RANBP17: variants seen among roughly 807,000 people sequenced by gnomAD.
The protein encoded by RANBP17 is RAN binding protein 17, also known as ran-binding protein 17.
RANBP17 carries 158 observed loss-of-function variants against 141.2 expected under a neutral mutation model. That is an observed-to-expected ratio of 1.12 (90% CI 0.98 to 1.28). The LOEUF is 1.28. Among genes scored for constraint, RANBP17 ranks in the 50% most tolerant of loss-of-function variants. The pLI is 0.00. For synonymous variants in RANBP17, 430 were observed against 450.0 expected, an observed-to-expected ratio of 0.96 and a Z score of 0.56; for missense variants, 1,438 against 1,290.7, an observed-to-expected ratio of 1.11 and a Z score of -1.75.
chr5:171,097,808 C>A (rs1417415760), intron 14 of RANBP17, among the ~76,000 whole-genome samples: 2 of 151,716 alleles, frequency 1.3e-5, no homozygotes, highest in African/African-American at 2.4e-5. Context: ...CCCAACAGGC[C>A]CCAGTGTGTG....
intron 13 of RANBP17, among the ~76,000 whole-genome samples, chr5:170,961,485 G>T (rs1776146353): frequency 6.6e-6 from 1 of 152,080 alleles, no homozygotes; most frequent in Non-Finnish European, 1.5e-5. Context: ...AATTGAAACT[G>T]GGAATGGATA....
chr5:171,090,262 G>A (rs901444348), intron 14 of RANBP17, among the ~76,000 whole-genome samples: 2 of 152,174 alleles, frequency 1.3e-5, no homozygotes, highest in African/African-American at 4.8e-5. Context: ...AACTTGTTGG[G>A]AACTGGAGCA....
intron 14 of RANBP17, among the ~76,000 whole-genome samples, chr5:171,027,584 GGATCATAT>G: frequency 6.6e-6 from 1 of 151,868 alleles, no homozygotes; most frequent in East Asian, 1.9e-4. Flanking sequence ...AGCCCCAGTA[GGATCATAT>G]TATAATTAAT....
intron 14 of RANBP17, among the ~76,000 whole-genome samples, chr5:171,144,945 G>A (rs1757939104): frequency 6.6e-6 from 1 of 152,202 alleles, no homozygotes; most frequent in Admixed American, 6.5e-5. Flanking sequence ...CAGGCATAAA[G>A]ATATATGGAG....
chr5:170,916,630 T>C, intron 9 of RANBP17, 46 bp downstream of exon 9: 1 of 1,311,912 alleles, frequency 7.6e-7, no homozygotes. Context: ...GATACAGTTT[T>C]TCAGCTAAAG....
chr5:170,904,062 CT>C, intron 5 of RANBP17: 2 of 457,346 alleles, frequency 4.4e-6, no homozygotes. Flanking sequence ...TAAACATAGT[CT>C]TTACCTCACC....
chr5:171,038,683 T>C (rs1293942135), intron 14 of RANBP17, among the ~76,000 whole-genome samples: 1 of 152,192 alleles, frequency 6.6e-6, no homozygotes, highest in Non-Finnish European at 1.5e-5. Context: ...TTGAAAGTTT[T>C]TTCCACATCT....
At chr5:170,963,891 A>G (rs1468520685) in intron 13 of RANBP17, among the ~76,000 whole-genome samples, 3 of 152,252 alleles carry the variant, frequency 2.0e-5, no homozygotes, top group Admixed American at 6.5e-5. Context: ...CCTCTGATAT[A>G]TAAATAATTT....
At chr5:171,054,184 G>A (rs1247894606) in intron 14 of RANBP17, among the ~76,000 whole-genome samples, 1 of 151,828 alleles carries the variant, frequency 6.6e-6, no homozygotes, top group Admixed American at 6.6e-5. Flanking sequence ...GACTGGTGTG[G>A]TTTGGTTTTG....
chr5:171,293,892 G>A lies in RANBP17; in HGVS notation c.2953G>A (p.Val985Ile). 3 of 1,612,640 alleles carry A rather than the reference G, an allele frequency of 1.9e-6. No homozygotes were observed. Among genetic ancestry groups the A allele is most frequent in the Non-Finnish European group, 2.5e-6 (3 of 1,178,700 alleles). The stretch of plus-strand genomic sequence containing the variant: ...TGATTCTATCTTCTAGATGATGTCT[G>A]TCCTCATGAACACCATTGTCTTTGA... ...NPDVLQQMMS[V>I]LMNTIVFEDC... The change falls in exon 26 of 28, where the codon GTC becomes ATC. Residue 985 changes from valine to isoleucine, a missense_variant. By Grantham distance (29) the Val-to-Ile change is conservative. Transcript: ENST00000523189.
At chr5:170,990,916 G>A (rs1037333944) in intron 14 of RANBP17, among the ~76,000 whole-genome samples, 4 of 151,830 alleles carry the variant, frequency 2.6e-5, no homozygotes, top group African/African-American at 9.7e-5. Context: ...AGGCATTGTC[G>A]GGGTGCATCA....
At chr5:170,944,949 AATTATTGATTTTT>A (rs1774630442) in intron 12 of RANBP17, among the ~76,000 whole-genome samples, 1 of 152,114 alleles carries the variant, frequency 6.6e-6, no homozygotes, top group African/African-American at 2.4e-5. Flanking sequence ...GCATTGCAAA[AATTATTGATTTTT>A]TCCTCTATCT....
intron 14 of RANBP17, among the ~76,000 whole-genome samples, chr5:171,089,082 A>G (rs1010797371): frequency 1.3e-5 from 2 of 151,198 alleles, no homozygotes; most frequent in East Asian, 2.0e-4. Flanking sequence ...TTTTTTCCCC[A>G]TCTTTGTGGT....
chr5:171,184,878 T>A lies in RANBP17; in HGVS notation c.2038+1448T>A, dbSNP rs192873775. 3.3e-3 allele frequency among the ~76,000 whole-genome samples: 505 copies of A among 152,230 alleles called. 3 individuals are homozygous for A. The highest frequency in any genetic ancestry group is 5.7e-3 in the Non-Finnish European group (390 of 68,002). On this transcript the variant is annotated intron_variant, in intron 18 of 27. Coordinates refer to ENST00000523189, the MANE Select transcript of RANBP17 (RefSeq NM_022897.5). ...CATATCTTAATTTAAAATACTTTAT[T>A]GCGGCCAGGTGCGGTGGCTCACACC...
intron 13 of RANBP17, among the ~76,000 whole-genome samples, chr5:170,954,066 G>A (rs1775415495): frequency 6.6e-6 from 1 of 152,084 alleles, no homozygotes; most frequent in African/African-American, 2.4e-5. Flanking sequence ...ACCCATCGCA[G>A]GTTTTGTCAC....
chr5:170,930,173 T>G (rs559505396), intron 12 of RANBP17, among the ~76,000 whole-genome samples: 1 of 152,098 alleles, frequency 6.6e-6, no homozygotes, highest in Admixed American at 6.6e-5. Context: ...TTCGCCTTTA[T>G]TATTTTCTGC....
intron 14 of RANBP17, among the ~76,000 whole-genome samples, chr5:171,103,720 G>C (rs1001422431): frequency 2.0e-5 from 3 of 152,184 alleles, no homozygotes; most frequent in African/African-American, 7.2e-5. Flanking sequence ...GAAACGCAGG[G>C]CCCTGGTGGT....
chr5:171,057,764 A>G (rs1783502802), intron 14 of RANBP17, among the ~76,000 whole-genome samples: 1 of 152,146 alleles, frequency 6.6e-6, no homozygotes, highest in South Asian at 2.1e-4. Context: ...GGGTAGCATG[A>G]TGGAGGGAGT....
chr5:171,242,663 G>A lies in RANBP17; in HGVS notation c.2638-19G>A. 2 of 1,609,698 alleles carry A rather than the reference G, an allele frequency of 1.2e-6. No homozygotes were observed. The highest frequency in any genetic ancestry group is 1.7e-6 in the Non-Finnish European group (2 of 1,178,812). On this transcript the variant is annotated intron_variant, in intron 23 of 27. Transcript: ENST00000523189. Reference sequence around the variant, plus strand: ...TTTCTTCTCTGTGGCTTGACATTTAGTATATCTCTGTGTTGTAGCAATACC... The same window carrying A: ...TTTCTTCTCTGTGGCTTGACATTTAATATATCTCTGTGTTGTAGCAATACC...
Sources: allele counts gnomAD v4.1 joint callset (sites outside exome capture counted in the v4.1 genomes callset), GRCh38; gene constraint gnomAD v4.1.1; transcripts MANE v1.5; gene names NCBI Gene and HGNC (gene_info 2026-07-23, HGNC 2026-07-21).